Variants in INHBA observed in about 807,000 individuals in gnomAD.
The protein encoded by INHBA is inhibin beta A chain.
In INHBA, 1 loss-of-function variant was observed where a neutral mutation model predicts 29.0. The ratio of observed to expected loss-of-function variants is 0.03; its 90% confidence interval spans 0.01 to 0.16. INHBA has a LOEUF of 0.16. INHBA is among the 10% of genes least tolerant of loss of function. The probability of loss-of-function intolerance (pLI) is 1.00; values close to 1 mark genes in which losing one functional copy is unlikely to be tolerated. For missense variants in INHBA, 376 were observed against 545.4 expected (o/e 0.69, Z 3.09); for synonymous variants, 242 against 216.8 (o/e 1.12, Z -1.02).
chr7:41,704,699 G>T (rs1794874971), upstream of INHBA, among the ~76,000 whole-genome samples: 1 of 150,882 alleles, frequency 6.6e-6, no homozygotes, highest in African/African-American at 2.4e-5. Flanking sequence ...AACAAACCCA[G>T]ATCAGATCCC....
At chr7:41,695,125 A>C (rs769408128) in intron 2 of INHBA, among the ~76,000 whole-genome samples, 1 of 152,232 alleles carries the variant, frequency 6.6e-6, no homozygotes, top group African/African-American at 2.4e-5. Flanking sequence ...GAACATTTTC[A>C]GTTAAATAAG....
chr7:41,687,741 AT>A lies in INHBA; in HGVS notation c.*1908del, dbSNP rs936437411. On this transcript the variant is annotated 3_prime_UTR_variant, in exon 3 of 3. Transcript: ENST00000242208. Reference sequence around the variant, plus strand: ...TTATCTTTTAGTTAGTGATGACATTATTTTTCCCAGCTGGTACAGGTAATAT... The same window carrying A: ...TTATCTTTTAGTTAGTGATGACATTATTTTCCCAGCTGGTACAGGTAATAT... The A allele has an allele frequency of 1.3e-5, 2 of 152,104 alleles. No homozygotes were observed. The highest frequency in any genetic ancestry group is 4.8e-5 in the African/African-American group (2 of 41,414). 9.4% of individuals were successfully genotyped at this position (152,104 alleles called of 1,614,324 possible).
rs1454084945 is a variant in INHBA at position 41,688,074 on chromosome 7, T to C, written c.*1576A>G. On this transcript the variant is annotated 3_prime_UTR_variant, in exon 3 of 3. Transcript: ENST00000242208. ...GAATTTTTGAAATGCGCCCACCTAG[T>C]TCAGAGTAAAAGCAAAAACTATAGC... 1 of 152,202 alleles carries C rather than the reference T, an allele frequency of 6.6e-6. No individual in the cohort carries two copies. The highest frequency in any genetic ancestry group is 1.5e-5 in the Non-Finnish European group (1 of 68,022). 9.4% of individuals were successfully genotyped at this position (152,202 alleles called of 1,614,324 possible).
rs977040832 is a variant in INHBA at position 41,687,658 on chromosome 7, C to T, written c.*1992G>A. 2 of 152,108 alleles carry T rather than the reference C, an allele frequency of 1.3e-5. No individual in the cohort carries two copies. Among genetic ancestry groups the T allele is most frequent in the African/African-American group, 4.8e-5 (2 of 41,422 alleles). The allele number at this position is 152,108 out of a possible 1,614,324, so 9.4% of individuals were successfully genotyped here. A position where few individuals can be genotyped will look rare whatever the true frequency, so the allele number is the denominator to read the frequency against. On this transcript the variant is annotated 3_prime_UTR_variant, in exon 3 of 3. Coordinates refer to ENST00000242208, the MANE Select transcript of INHBA (RefSeq NM_002192.4). Reference sequence around the variant, plus strand: ...TTTTTACTACTGCCCTCACCTCTGCCTCCTCTTAACTGTTCTCTTCCTTAC... The same window carrying T: ...TTTTTACTACTGCCCTCACCTCTGCTTCCTCTTAACTGTTCTCTTCCTTAC...
chr7:41,693,927 C>T (rs1002188328), intron 2 of INHBA: 1 of 152,156 alleles, frequency 6.6e-6, no homozygotes, highest in Non-Finnish European at 1.5e-5. Context: ...CCTCCTTCTC[C>T]TGGTGTCCAT....
At position 41,689,975 on chromosome 7, in the gene INHBA, T is replaced by C; in HGVS notation, c.956A>G (p.Asn319Ser). ...AAAGAACTGTTTCTTACAGCAGATG[T>C]TGACCTTGCCATCACACTCCAAGCC... ...RRGLECDGKVNICCKKQFFVS... is the reference protein window; with the variant it reads ...RRGLECDGKVSICCKKQFFVS... Residue 319 changes from asparagine to serine, a missense_variant, in exon 3 of 3, where the codon AAC (asparagine) becomes AGC (serine). By Grantham distance (46) the Asn-to-Ser change is conservative. This residue lies in a region of INHBA where 253 missense variants were observed against 313.4 expected (regional missense o/e 0.81). Coordinates refer to ENST00000242208, the MANE Select transcript of INHBA (RefSeq NM_002192.4). 6.2e-7 allele frequency: 1 copy of C among 1,614,070 alleles called. No individual in the cohort carries two copies. The highest frequency in any genetic ancestry group is 8.5e-7 in the Non-Finnish European group (1 of 1,180,040).
chr7:41,697,943 A>T (rs1414602173), intron 2 of INHBA, among the ~76,000 whole-genome samples: 1 of 152,214 alleles, frequency 6.6e-6, no homozygotes, highest in Admixed American at 6.5e-5. Context: ...AAAAATAAGC[A>T]ATTGTAATAA....
Position 41,689,795 on chromosome 7 carries a change from C to T in INHBA, c.1136G>A (p.Arg379Gln), listed in dbSNP as rs1794459824. The change falls in exon 3 of 3, where the codon CGG (arginine) becomes CAG (glutamine). Residue 379 changes from arginine to glutamine, a missense_variant. Arg to Gln is a conservative substitution (Grantham distance 43, BLOSUM62 1). Transcript: ENST00000242208. Reference protein sequence around the residue: ...HSTVINHYRMRGHSPFANLKS... With the variant: ...HSTVINHYRMQGHSPFANLKS... ...GAGGTTGGCAAAGGGGCTATGGCCCCGCATGCGGTAGTGGTTGATGACTGT... is the reference window on the plus strand; with the variant it reads ...GAGGTTGGCAAAGGGGCTATGGCCCTGCATGCGGTAGTGGTTGATGACTGT... The T allele has an allele frequency of 1.2e-6, 2 of 1,613,968 alleles. No individual in the cohort carries two copies. The highest frequency in any genetic ancestry group is 1.7e-6 in the Non-Finnish European group (2 of 1,180,026).
chr7:41,703,395 C>G (rs932537998), upstream of INHBA, among the ~76,000 whole-genome samples: 1 of 152,116 alleles, frequency 6.6e-6, no homozygotes, highest in African/African-American at 2.4e-5. Context: ...TTTTACTACT[C>G]GCACACACGT....
chr7:41,692,893 T>TA (rs1200778045), intron 2 of INHBA, among the ~76,000 whole-genome samples: 1 of 152,190 alleles, frequency 6.6e-6, no homozygotes, highest in Non-Finnish European at 1.5e-5. Context: ...CATTTAAATC[T>TA]AAAAAGGCAA....
Position 41,700,455 on chromosome 7 carries a change from G to T in INHBA, c.-81C>A. On this transcript the variant is annotated 5_prime_UTR_variant, in exon 2 of 3. Coordinates refer to ENST00000242208, the MANE Select transcript of INHBA (RefSeq NM_002192.4). ...CCCTCACGCGCAGGTTTTTTTGTGT[G>T]TGTGGATTTTTTTATTTTTTTTTTT... The T allele has an allele frequency of 8.8e-6, 11 of 1,247,462 alleles. No individual in the cohort carries two copies. Among genetic ancestry groups the T allele is most frequent in the South Asian group, 7.2e-5 (3 of 41,408 alleles). The allele number at this position is 1,247,462 out of a possible 1,614,324, so 77.3% of individuals were successfully genotyped here.
chr7:41,694,066 C>T (rs1794582070), intron 2 of INHBA: 1 of 152,162 alleles, frequency 6.6e-6, no homozygotes, highest in East Asian at 1.9e-4. Flanking sequence ...TTCAAGTCTT[C>T]CTAATGTCTA....
chr7:41,690,872 T>C (rs942465374), intron 2 of INHBA, among the ~76,000 whole-genome samples: 1 of 152,224 alleles, frequency 6.6e-6, no homozygotes, highest in Non-Finnish European at 1.5e-5. Flanking sequence ...TTTTGCACTA[T>C]AATAACCAAG....
chr7:41,695,256 C>T (rs906301903), intron 2 of INHBA, among the ~76,000 whole-genome samples: 4 of 152,188 alleles, frequency 2.6e-5, no homozygotes, highest in African/African-American at 7.2e-5. Flanking sequence ...TGGAAAGCCT[C>T]GTTGTTTATA....
In INHBA at chr7:41,689,903, G is replaced by C. The variant is rs1238388233; in HGVS notation, c.1028C>G (p.Ser343Cys). 6.2e-7 allele frequency: 1 copy of C among 1,613,956 alleles called. No individual in the cohort carries two copies. The highest frequency in any genetic ancestry group is 8.5e-7 in the Non-Finnish European group (1 of 1,180,056). ...CTCGCAGTAGTTGGCATGATAGCCA[G>C]AGGGAGCAATGATCCAGTCATTCCA... ...IGWNDWIIAP[S>C]GYHANYCEGE... Residue 343 changes from serine (S) to cysteine (C), a missense_variant, in exon 3 of 3, where the codon TCT (serine) becomes TGT (cysteine). This residue lies in a region of INHBA where 50 missense variants were observed against 137.9 expected (regional missense o/e 0.36). Coordinates refer to ENST00000242208, the MANE Select transcript of INHBA (RefSeq NM_002192.4).
rs1345603926 is a variant in INHBA, at chr7:41,689,503, ATTT to A, written c.*144_*146del. Reference sequence around the variant, plus strand: ...TCTGTTTCATCAGGTTTTGTTTTTAATTTACTTTTGTTTTTTTTTGTTTTTTTT... The same window carrying A: ...TCTGTTTCATCAGGTTTTGTTTTTAAACTTTTGTTTTTTTTTGTTTTTTTT... On this transcript the variant is annotated 3_prime_UTR_variant, in exon 3 of 3. Coordinates refer to ENST00000242208, the MANE Select transcript of INHBA (RefSeq NM_002192.4). 1 of 740,154 alleles carries A rather than the reference ATTT, an allele frequency of 1.4e-6. No individual in the cohort carries two copies. Among genetic ancestry groups the A allele is most frequent in the Non-Finnish European group, 1.9e-6 (1 of 512,930 alleles). The allele number at this position is 740,154 out of a possible 1,614,324, so 45.8% of individuals were successfully genotyped here.
rs945445312 is a variant in INHBA at position 41,687,872 on chromosome 7, T to C, written c.*1778A>G. On this transcript the variant is annotated 3_prime_UTR_variant, in exon 3 of 3. Coordinates refer to ENST00000242208, the MANE Select transcript of INHBA (RefSeq NM_002192.4). ...GCTTCTGATTTAAGATTGATTCCAA[T>C]AGACACTAAGTTGGAAAAACATCAG... is the stretch of plus-strand genomic sequence containing the variant. 1.3e-5 allele frequency: 2 copies of C among 152,232 alleles called. No homozygotes were observed. Among genetic ancestry groups the C allele is most frequent in the Non-Finnish European group, 2.9e-5 (2 of 68,040 alleles). The allele number at this position is 152,232 out of a possible 1,614,324, so 9.4% of individuals were successfully genotyped here. A position where few individuals can be genotyped will look rare whatever the true frequency, so the allele number is the denominator to read the frequency against.
At chr7:41,702,350 G>A (rs1235802976) in intron 1 of INHBA, among the ~76,000 whole-genome samples, 1 of 152,116 alleles carries the variant, frequency 6.6e-6, no homozygotes, top group African/African-American at 2.4e-5. Context: ...GACTTTTTCT[G>A]TTACAAGTAA....
In INHBA at chr7:41,689,432, T is replaced by C. The variant is rs747229208; in HGVS notation, c.*218A>G. 8.1e-6 allele frequency: 4 copies of C among 492,928 alleles called. No individual in the cohort carries two copies. The highest frequency in any genetic ancestry group is 1.4e-5 in the Non-Finnish European group (4 of 284,906). The allele number at this position is 492,928 out of a possible 1,614,324, so 30.5% of individuals were successfully genotyped here. ...TCCCAATTCCTGTCTCTTTCACTGC[T>C]TCATCTCTGAGCCCTGGCTAAGGAT... is the stretch of plus-strand genomic sequence containing the variant. On this transcript the variant is annotated 3_prime_UTR_variant, in exon 3 of 3. Coordinates refer to ENST00000242208, the MANE Select transcript of INHBA (RefSeq NM_002192.4).
Sources: allele counts gnomAD v4.1 joint callset (sites outside exome capture counted in the v4.1 genomes callset), GRCh38; gene constraint gnomAD v4.1.1; regional missense constraint gnomAD v4.1.1; transcripts MANE v1.5; gene names NCBI Gene and HGNC (gene_info 2026-07-23, HGNC 2026-07-21).